Variants in SVIL observed in about 807,000 individuals in gnomAD.
SVIL encodes the protein archvillin.
Under a neutral mutation model 240.4 loss-of-function variants are expected in SVIL, and 101 were observed. The ratio of observed to expected loss-of-function variants is 0.42; its 90% CI spans 0.36 to 0.50. SVIL has a LOEUF of 0.50. Ranked by LOEUF, SVIL falls within the 20% of genes least tolerant of loss-of-function variation. SVIL has a pLI of 0.01. For missense variants in SVIL, 2,512 were observed against 2,818.7 expected (o/e 0.89, Z 2.46); for synonymous variants, 999 against 1,100.0 (o/e 0.91, Z 1.82).
chr10:29,477,351 T>C (rs1946307081), intron 29 of SVIL, among the ~76,000 whole-genome samples: 1 of 152,246 alleles, frequency 6.6e-6, no homozygotes, highest in Admixed American at 6.5e-5. Context: ...ACTAGACATC[T>C]ATCAGGCCCT....
intron 1 of SVIL, among the ~76,000 whole-genome samples, chr10:29,600,411 A>G (rs1222695818): frequency 1.3e-5 from 2 of 152,098 alleles, no homozygotes; most frequent in Admixed American, 1.3e-4. Context: ...ACACCCAGAC[A>G]TACGGCACCA....
chr10:29,533,583 G>A, intron 7 of SVIL, 125 bp from the exon 8 acceptor site: 1 of 1,419,946 alleles, frequency 7.0e-7, no homozygotes, highest in South Asian at 1.5e-5. Flanking sequence ...TTGTGAAAAA[G>A]CATTTTGGTG....
At chr10:29,553,352 G>C (rs1442917342) in intron 5 of SVIL, among the ~76,000 whole-genome samples, 1 of 152,106 alleles carries the variant, frequency 6.6e-6, no homozygotes, top group African/African-American at 2.4e-5. Context: ...GCCGAGGCAG[G>C]CGGATCACCT....
At chr10:29,661,494 T>G (rs551641723) in intron 2 of SVIL, among the ~76,000 whole-genome samples, 5 of 152,242 alleles carry the variant, frequency 3.3e-5, no homozygotes, top group African/African-American at 9.6e-5. Context: ...CAGGAGGAGA[T>G]GCTAGCTAAG....
intron 1 of SVIL, among the ~76,000 whole-genome samples, chr10:29,717,123 C>T (rs1304314452): frequency 6.6e-6 from 1 of 150,646 alleles, no homozygotes; most frequent in East Asian, 2.0e-4. Flanking sequence ...GTCCCAGCTA[C>T]TCGGGAGGCT....
rs1231173589 is a variant in SVIL at position 29,647,244 on chromosome 10, C to T, written c.-201+10725G>A. On this transcript the variant is annotated intron_variant, in intron 3 of 35. Transcript: ENST00000375400. ...CCGATCTCCCATCTCCAGGAAACCA[C>T]AGCCCAAGTGCACTGGGAAAGTTGG... 11 of 152,378 alleles carry T rather than the reference C, an allele frequency of 7.2e-5. No homozygotes were observed. In the East Asian group the frequency reaches 2.1e-3, roughly 29 times the overall value. 9.4% of individuals were successfully genotyped at this position (152,378 alleles called of 1,614,324 possible).
At chr10:29,700,468 CTTTTTTTTTT>C (rs71281545) in intron 1 of SVIL, among the ~76,000 whole-genome samples, 3 of 113,110 alleles carry the variant, frequency 2.7e-5, no homozygotes, top group Admixed American at 1.1e-4. Context: ...TTACTATTTC[CTTTTTTTTTT>C]TTTTTTTTTG....
At chr10:29,600,512 A>T (rs2488682) in intron 1 of SVIL, among the ~76,000 whole-genome samples, 2 of 152,072 alleles carry the variant, frequency 1.3e-5, no homozygotes, top group African/African-American at 4.8e-5. Flanking sequence ...CCTCCACATC[A>T]GATGGAGAAA....
At chr10:29,538,329 T>G (rs550295872) in intron 6 of SVIL, among the ~76,000 whole-genome samples, 1 of 152,248 alleles carries the variant, frequency 6.6e-6, no homozygotes, top group Non-Finnish European at 1.5e-5. Flanking sequence ...GGGGACTTAC[T>G]GGGCTCCATT....
At chr10:29,559,629 T>C (rs1954269323) in intron 3 of SVIL, among the ~76,000 whole-genome samples, 1 of 152,232 alleles carries the variant, frequency 6.6e-6, no homozygotes, top group African/African-American at 2.4e-5. Context: ...CATTTTCTAT[T>C]TTGCTTTCAA....
intron 1 of SVIL, among the ~76,000 whole-genome samples, chr10:29,699,527 C>A (rs986490392): frequency 6.6e-6 from 1 of 152,194 alleles, no homozygotes; most frequent in African/African-American, 2.4e-5. Flanking sequence ...TGGTCTTCAA[C>A]TCCTGACCTC....
chr10:29,632,387 A>G (rs2132952501), intron 1 of SVIL, among the ~76,000 whole-genome samples: 1 of 151,892 alleles, frequency 6.6e-6, no homozygotes, highest in South Asian at 2.1e-4. Context: ...GCTAGTAGGG[A>G]GGCTGAGGCA....
chr10:29,647,994 AT>A (rs1316107827), intron 3 of SVIL, among the ~76,000 whole-genome samples: 1 of 150,710 alleles, frequency 6.6e-6, no homozygotes, highest in South Asian at 2.1e-4. Flanking sequence ...AACAAAAAAA[AT>A]CATTACCAGA....
At chr10:29,458,841 C>T (rs777674340) in intron 36 of SVIL, 1 of 251,640 alleles carries the variant, frequency 4.0e-6, no homozygotes, top group South Asian at 6.7e-5. Context: ...AGGTCTCACT[C>T]TGCTACTCAG....
intron 3 of SVIL, among the ~76,000 whole-genome samples, chr10:29,646,350 T>C (rs1017628715): frequency 2.6e-5 from 4 of 152,214 alleles, no homozygotes; most frequent in African/African-American, 9.7e-5. Flanking sequence ...GATTTCAATA[T>C]AGGACTCCCT....
intron 1 of SVIL, among the ~76,000 whole-genome samples, chr10:29,709,284 A>G (rs1249235419): frequency 6.6e-6 from 1 of 152,224 alleles, no homozygotes; most frequent in Non-Finnish European, 1.5e-5. Context: ...AAGTGCTCCA[A>G]TGAGCATAAC....
chr10:29,521,487 G>GT (rs1233915093), intron 16 of SVIL, among the ~76,000 whole-genome samples: 8 of 152,154 alleles, frequency 5.3e-5, no homozygotes, highest in African/African-American at 7.2e-5. Flanking sequence ...ATTCCATCAT[G>GT]TTTTTTTCCT....
chr10:29,647,905 C>A (rs973667668), intron 3 of SVIL, among the ~76,000 whole-genome samples: 24 of 145,266 alleles, frequency 1.7e-4, no homozygotes, highest in African/African-American at 6.2e-4. Context: ...AAACCCCCTA[C>A]ATTTTTTACT....
rs377177943 is a variant in SVIL at position 29,629,211 on chromosome 10, G to C, written c.-201+5209C>G. Among the ~76,000 whole-genome samples the C allele has an allele frequency of 3.3e-5, 5 of 152,220 alleles. No homozygotes were observed. In the East Asian group the frequency reaches 7.8e-4, roughly 24 times the overall value. ...GCAGAGTGGAAAATAAGACAAACGG[G>C]AGAGAATGGTGTAGGTAGAGAGCGG... On this transcript the variant is annotated intron_variant, in intron 1 of 37. Transcript: ENST00000355867.
Sources: gnomAD v4.1 joint callset for allele counts (sites outside exome capture counted in the v4.1 genomes callset) on GRCh38, gnomAD v4.1.1 for gene constraint, MANE v1.5 for transcripts, NCBI Gene and HGNC (gene_info 2026-07-23, HGNC 2026-07-21) for gene names.